MRE11: variants seen among roughly 807,000 people sequenced by gnomAD.
The protein encoded by MRE11 is MRE11 double strand break repair nuclease.
MRE11 carries 62 observed loss-of-function variants against 91.7 expected under a neutral mutation model. That is an observed-to-expected ratio of 0.68 (90% confidence interval 0.55 to 0.84). The LOEUF is 0.84. MRE11 is among the 40% of genes least tolerant of loss of function. MRE11 has a pLI of 0.00. For missense variants in MRE11, 796 were observed against 852.9 expected (o/e 0.93, Z 0.83); for synonymous variants, 273 against 271.4 (o/e 1.01, Z -0.06).
intron 5 of MRE11, among the ~76,000 whole-genome samples, chr11:94,479,443 T>C (rs1240160209): frequency 6.6e-6 from 1 of 152,190 alleles, no homozygotes; most frequent in Non-Finnish European, 1.5e-5. Context: ...TGGCTTCTTA[T>C]TGTTAACATC....
intron 19 of MRE11, among the ~76,000 whole-genome samples, chr11:94,423,090 C>T (rs930042088): frequency 6.6e-6 from 1 of 152,138 alleles, no homozygotes; most frequent in African/African-American, 2.4e-5. Flanking sequence ...AGCACCACTG[C>T]CACTAATAAA....
upstream of MRE11, chr11:94,494,311 G>A (rs13447579): frequency 0.012 from 1,893 of 152,448 alleles, 24 homozygotes; most frequent in Non-Finnish European, 0.021. Context: ...ACCCTCTACA[G>A]GTGTCGCCCC....
intron 18 of MRE11, among the ~76,000 whole-genome samples, chr11:94,434,093 T>G (rs942319624): frequency 3.9e-5 from 6 of 152,164 alleles, no homozygotes; most frequent in African/African-American, 1.2e-4. Context: ...TCCCTTAGGT[T>G]TCATTACACC....
chr11:94,496,577 T>G (rs1947421377), upstream of MRE11: 3 of 930,088 alleles, frequency 3.2e-6, no homozygotes, highest in African/African-American at 4.9e-5. Flanking sequence ...ATTGTTTTAC[T>G]AATAACTTTT....
rs762424288 is a variant in MRE11, at chr11:94,476,305, C to T, written c.643G>A (p.Val215Met). 6.2e-7 allele frequency: 1 copy of T among 1,611,574 alleles called. No homozygotes were observed. The highest frequency in any genetic ancestry group is 8.5e-7 in the Non-Finnish European group (1 of 1,177,938). ...AAGTTTTACCTGTTCTGATGAATCACAAATAAGTTAAACCAAGAGTTCTCA... is the reference window on the plus strand; with the variant it reads ...AAGTTTTACCTGTTCTGATGAATCATAAATAAGTTAAACCAAGAGTTCTCA... ...EDENSWFNLFVIHQNRSKHGS... is the reference protein window; with the variant it reads ...EDENSWFNLFMIHQNRSKHGS... Residue 215 changes from valine (V) to methionine (M), a missense_variant, in exon 7 of 20, where the codon GTG becomes ATG. Transcript: ENST00000323929.
intron 13 of MRE11, among the ~76,000 whole-genome samples, chr11:94,457,102 A>G (rs1188268459): frequency 6.6e-6 from 1 of 152,204 alleles, no homozygotes; most frequent in Non-Finnish European, 1.5e-5. Flanking sequence ...AAGAGGCTGG[A>G]GCAATTAGAG....
At chr11:94,498,052 T>G (rs1336982329), upstream of MRE11, 2 of 1,535,812 alleles carry the variant, frequency 1.3e-6, no homozygotes, top group Admixed American at 4.2e-5. Flanking sequence ...GTTGAAAGAT[T>G]TCTTTTTTTT....
At chr11:94,511,772 A>G in the MRE11 span, among the ~76,000 whole-genome samples, 12 of 152,200 alleles carry the variant, frequency 7.9e-5, no homozygotes, top group East Asian at 7.7e-4. Flanking sequence ...CCACAACGTA[A>G]TCCATTTTTA....
chr11:94,477,663 C>A (rs1946899716), intron 6 of MRE11, among the ~76,000 whole-genome samples: 2 of 152,260 alleles, frequency 1.3e-5, no homozygotes, highest in South Asian at 4.1e-4. Flanking sequence ...AGTCAAGGCA[C>A]ACAAAGCCCA....
chr11:94,512,344 T>C, the MRE11 span: 2 of 456,944 alleles, frequency 4.4e-6, no homozygotes, highest in African/African-American at 2.0e-5. Flanking sequence ...ATGATAATAA[T>C]AACCCCAGCC....
At chr11:94,490,721 C>G (rs1947261753) in intron 3 of MRE11, 112 bp downstream of exon 3, 1 of 1,228,754 alleles carries the variant, frequency 8.1e-7, no homozygotes. Flanking sequence ...GATATTCAAG[C>G]AGGCAAGGTA....
chr11:94,456,125 A>G lies in MRE11; in HGVS notation c.1563+151T>C. 4 of 682,596 alleles carry G rather than the reference A, an allele frequency of 5.9e-6. No individual in the cohort carries two copies. In the South Asian group the frequency reaches 6.8e-5, roughly 12 times the overall value. 42.3% of individuals were successfully genotyped at this position (682,596 alleles called of 1,614,324 possible). A position where few individuals can be genotyped will look rare whatever the true frequency, so the allele number is the denominator to read the frequency against. On this transcript the variant is annotated intron_variant, in intron 14 of 19. Transcript: ENST00000323929. ...AATGAGCAGAATATTTGTAGGCTGA[A>G]CTGAAATCAACCAAAAGCAGCCATC...
intron 8 of MRE11, among the ~76,000 whole-genome samples, chr11:94,470,905 A>G (rs986014237): frequency 1.3e-5 from 2 of 152,088 alleles, no homozygotes; most frequent in African/African-American, 4.8e-5. Flanking sequence ...ATAAGCATAA[A>G]AAAATGTTAA....
intron 16 of MRE11, among the ~76,000 whole-genome samples, chr11:94,443,215 A>T (rs1449012119): frequency 6.6e-6 from 1 of 152,208 alleles, no homozygotes; most frequent in Non-Finnish European, 1.5e-5. Context: ...TGCAAAAATT[A>T]TTCTATGGAG....
intron 19 of MRE11, among the ~76,000 whole-genome samples, chr11:94,427,716 A>C (rs891965560): frequency 6.6e-6 from 1 of 152,332 alleles, no homozygotes; most frequent in Non-Finnish European, 1.5e-5. Context: ...AAAAGTGTAC[A>C]AAAGTCAGTA....
Position 94,464,138 on chromosome 11 carries a change from C to A in MRE11, c.1200G>T (p.Arg400Ser), listed in dbSNP as rs777004819. 6 of 1,613,442 alleles carry A rather than the reference C, an allele frequency of 3.7e-6. No homozygotes were observed. Among genetic ancestry groups the A allele is most frequent in the Non-Finnish European group, 4.2e-6 (5 of 1,179,772 alleles). Residue 400 changes from arginine to serine, a missense_variant, in exon 11 of 20, where the codon AGG (arginine) becomes AGT (serine). Arg to Ser is a moderately radical substitution (Grantham distance 110). Transcript: ENST00000323929. Reference sequence around the variant, plus strand: ...CTGTTTTTTCCTTTTGTTCTCTATGCCTGAAAAAATGGATAATGTCTTTTG... The same window carrying A: ...CTGTTTTTTCCTTTTGTTCTCTATGACTGAAAAAATGGATAATGTCTTTTG... The part of the protein sequence containing the change: ...ANPKDIIHFF[R>S]HREQKEKTGE...
intron 3 of MRE11, among the ~76,000 whole-genome samples, chr11:94,489,268 C>A (rs1565241026): frequency 6.6e-6 from 1 of 151,528 alleles, no homozygotes. Context: ...TCAATGTGCT[C>A]CAAGCAGAAA....
Position 94,418,317 on chromosome 11 carries a change from T to C in MRE11, c.*1808A>G. 2 of 233,238 alleles carry C rather than the reference T, an allele frequency of 8.6e-6. No homozygotes were observed. The highest frequency in any genetic ancestry group is 6.0e-5 in the East Asian group (1 of 16,560). 14.4% of individuals were successfully genotyped at this position (233,238 alleles called of 1,614,324 possible). On this transcript the variant is annotated 3_prime_UTR_variant, in exon 20 of 20. Coordinates refer to ENST00000323929, the MANE Select transcript of MRE11 (RefSeq NM_005591.4). ...GATTTATCACCCTCTGTAACTGCTA[T>C]GTCATCACTTTCCTTAGCGGTGAAC...
chr11:94,430,152 C>T (rs1276621395), intron 18 of MRE11, among the ~76,000 whole-genome samples, 166 bp from the exon 19 acceptor site: 1 of 152,188 alleles, frequency 6.6e-6, no homozygotes, highest in East Asian at 1.9e-4. Context: ...AGGAAAAGGA[C>T]TCTGGGGCCG....
Sources: allele counts gnomAD v4.1 joint callset (sites outside exome capture counted in the v4.1 genomes callset), GRCh38; gene constraint gnomAD v4.1.1; transcripts MANE v1.5; gene names NCBI Gene and HGNC (gene_info 2026-07-23, HGNC 2026-07-21).